The following DGKB variants were observed in gnomAD, a reference collection of about 807,000 sequenced individuals.
DGKB encodes 90 kDa diacylglycerol kinase.
DGKB carries 67 observed loss-of-function variants against 114.3 expected under a neutral mutation model. That is an observed-to-expected ratio of 0.59 (90% CI 0.48 to 0.72). The LOEUF (loss-of-function observed/expected upper bound fraction) is 0.72, where lower values mean the gene tolerates loss of function less well. Ranked by LOEUF, DGKB falls within the 30% of genes least tolerant of loss-of-function variation. The pLI is 0.00. For missense variants in DGKB, 907 were observed against 975.2 expected (o/e 0.93, Z 0.93); for synonymous variants, 398 against 323.1 (o/e 1.23, Z -2.49).
chr7:14,619,044 T>C (rs1174728177), intron 15 of DGKB, among the ~76,000 whole-genome samples: 1 of 151,620 alleles, frequency 6.6e-6, no homozygotes, highest in Non-Finnish European at 1.5e-5. Flanking sequence ...TTTATTCTTT[T>C]ATTTTTTTTC....
chr7:14,541,933 A>T (rs1793529880), intron 20 of DGKB, among the ~76,000 whole-genome samples: 1 of 152,126 alleles, frequency 6.6e-6, no homozygotes, highest in South Asian at 2.1e-4. Flanking sequence ...CATCCCAGTT[A>T]TCCTACCCAA....
intron 12 of DGKB, among the ~76,000 whole-genome samples, chr7:14,681,830 T>G (rs2128967856): frequency 6.6e-6 from 1 of 152,160 alleles, no homozygotes; most frequent in Admixed American, 6.5e-5. Context: ...TTCCCAAGTG[T>G]CCCAGAAAAG....
intron 23 of DGKB, among the ~76,000 whole-genome samples, chr7:14,322,817 C>T (rs1204482852): frequency 6.6e-6 from 1 of 152,098 alleles, no homozygotes; most frequent in Non-Finnish European, 1.5e-5. Context: ...GATCTGGTCA[C>T]ATAAAATGAT....
intron 13 of DGKB, among the ~76,000 whole-genome samples, chr7:14,648,054 A>T (rs1009244278): frequency 6.1e-4 from 93 of 152,340 alleles, no homozygotes; most frequent in African/African-American, 2.0e-3. Context: ...GCAAGGCGGC[A>T]GCGAGGCTGG....
chr7:14,771,637 A>G (rs1263806958), intron 2 of DGKB, among the ~76,000 whole-genome samples: 1 of 152,038 alleles, frequency 6.6e-6, no homozygotes, highest in Non-Finnish European at 1.5e-5. Context: ...TTAACCCTGT[A>G]TATTGTGACT....
intron 21 of DGKB, among the ~76,000 whole-genome samples, chr7:14,463,003 A>T (rs1245631302): frequency 6.6e-6 from 1 of 152,194 alleles, no homozygotes; most frequent in Non-Finnish European, 1.5e-5. Context: ...AGGATTCCCT[A>T]TTTAAAAAAA....
intron 20 of DGKB, among the ~76,000 whole-genome samples, chr7:14,510,475 T>C (rs560714450): frequency 6.6e-6 from 1 of 152,290 alleles, no homozygotes; most frequent in African/African-American, 2.4e-5. Flanking sequence ...TTGCAGTTAT[T>C]CAGTCACATC....
intron 13 of DGKB, among the ~76,000 whole-genome samples, chr7:14,651,073 G>A (rs1814364240): frequency 1.3e-5 from 2 of 152,264 alleles, no homozygotes; most frequent in Admixed American, 6.5e-5. Flanking sequence ...GAGGTACAAG[G>A]AGGAGCTGGT....
At chr7:14,463,192 T>C (rs1274646506) in intron 21 of DGKB, among the ~76,000 whole-genome samples, 1 of 150,364 alleles carries the variant, frequency 6.7e-6, no homozygotes. Flanking sequence ...AGTTGAACAA[T>C]GAGAAGACAT....
At chr7:14,876,174 C>G (rs1853254905) in intron 1 of DGKB, among the ~76,000 whole-genome samples, 1 of 152,140 alleles carries the variant, frequency 6.6e-6, no homozygotes, top group Non-Finnish European at 1.5e-5. Context: ...ATTGCCATGG[C>G]AACACCAGGG....
At chr7:14,337,138 C>G (rs934878828) in intron 23 of DGKB, among the ~76,000 whole-genome samples, 3 of 151,862 alleles carry the variant, frequency 2.0e-5, no homozygotes, top group Non-Finnish European at 4.4e-5. Context: ...TTTCACTACC[C>G]TTTTTAGAAA....
At chr7:14,546,375 A>C (rs1794282381) in intron 20 of DGKB, among the ~76,000 whole-genome samples, 1 of 152,082 alleles carries the variant, frequency 6.6e-6, no homozygotes, top group Non-Finnish European at 1.5e-5. Context: ...AAATATCCTC[A>C]TCAACATTAT....
intron 23 of DGKB, among the ~76,000 whole-genome samples, chr7:14,257,567 T>C (rs1329387121): frequency 4.6e-5 from 7 of 152,128 alleles, no homozygotes; most frequent in Admixed American, 4.6e-4. Flanking sequence ...GTTCTCGTGA[T>C]AGTGAGTTCT....
At chr7:14,717,852 A>C (rs1195496466) in intron 6 of DGKB, among the ~76,000 whole-genome samples, 1 of 152,162 alleles carries the variant, frequency 6.6e-6, no homozygotes, top group Non-Finnish European at 1.5e-5. Context: ...GATCAGGTTT[A>C]GAGTAAATGC....
At chr7:14,835,455 C>T (rs930261370) in intron 2 of DGKB, among the ~76,000 whole-genome samples, 2 of 152,166 alleles carry the variant, frequency 1.3e-5, no homozygotes, top group Non-Finnish European at 2.9e-5. Flanking sequence ...TGTCTGACAT[C>T]AAATTATGTG....
chr7:14,550,241 T>G (rs1438139225), intron 20 of DGKB, among the ~76,000 whole-genome samples: 3 of 152,134 alleles, frequency 2.0e-5, no homozygotes, highest in Non-Finnish European at 4.4e-5. Flanking sequence ...GAGATTAGGT[T>G]AATTTTTTTC....
At chr7:14,664,451 T>C (rs1427159306) in intron 13 of DGKB, among the ~76,000 whole-genome samples, 1 of 151,982 alleles carries the variant, frequency 6.6e-6, no homozygotes, top group Non-Finnish European at 1.5e-5. Flanking sequence ...TCATTTAAGC[T>C]CATATTTATA....
chr7:14,822,698 G>T (rs2128105123), intron 2 of DGKB, among the ~76,000 whole-genome samples: 1 of 152,158 alleles, frequency 6.6e-6, no homozygotes, highest in Non-Finnish European at 1.5e-5. Flanking sequence ...TTGTAGGTGT[G>T]GGTCTACAGA....
At chr7:14,815,317 T>A (rs959185865) in intron 2 of DGKB, 13 of 152,232 alleles carry the variant, frequency 8.5e-5, no homozygotes, top group African/African-American at 2.4e-4. Flanking sequence ...CATCCTCTCT[T>A]GCTCATCCTA....
Sources: allele counts gnomAD v4.1 joint callset (sites outside exome capture counted in the v4.1 genomes callset), GRCh38; gene constraint gnomAD v4.1.1; transcripts MANE v1.5; gene names NCBI Gene and HGNC (gene_info 2026-07-23, HGNC 2026-07-21).